The following SOX5 variants were observed in gnomAD, a reference collection of about 807,000 sequenced individuals.
The protein encoded by SOX5 is SRY-box transcription factor 5.
SOX5 carries 9 observed loss-of-function variants against 92.0 expected under a neutral mutation model. The observed-to-expected ratio is 0.10, with a 90% CI of 0.06 to 0.17. The LOEUF is 0.17. SOX5 is among the 10% of genes least tolerant of loss of function. The pLI, the probability that SOX5 is intolerant of heterozygous loss-of-function variation, is 1.00. For synonymous variants in SOX5, 344 were observed against 336.3 expected, an observed-to-expected ratio of 1.02 and a Z score of -0.25; for missense variants, 642 against 944.5, an observed-to-expected ratio of 0.68 and a Z score of 4.20.
chr12:24,131,374 G>A (rs908328465), intron 4 of SOX5, among the ~76,000 whole-genome samples: 1 of 152,084 alleles, frequency 6.6e-6, no homozygotes, highest in East Asian at 1.9e-4. Context: ...GACATGATTT[G>A]ACATTAGACT....
intron 3 of SOX5, among the ~76,000 whole-genome samples, chr12:23,769,442 C>A (rs2094849678): frequency 6.6e-6 from 1 of 152,040 alleles, no homozygotes; most frequent in South Asian, 2.1e-4. Flanking sequence ...GGGGCTACTA[C>A]CAAATCCTTT....
intron 3 of SOX5, among the ~76,000 whole-genome samples, chr12:24,244,800 C>A (rs1938288862): frequency 6.6e-6 from 1 of 152,228 alleles, no homozygotes; most frequent in Admixed American, 6.5e-5. Flanking sequence ...TCAAGCAATT[C>A]TCCTGCCTCA....
chr12:24,466,608 C>T (rs1045117518), intron 1 of SOX5, among the ~76,000 whole-genome samples: 21 of 152,168 alleles, frequency 1.4e-4, no homozygotes, highest in African/African-American at 5.1e-4. Context: ...GACGCTGTGG[C>T]CCAATATGGC....
At chr12:24,270,728 T>C (rs1448599262) in intron 3 of SOX5, among the ~76,000 whole-genome samples, 1 of 152,186 alleles carries the variant, frequency 6.6e-6, no homozygotes, top group East Asian at 1.9e-4. Flanking sequence ...TAGTATTTCT[T>C]GCTTGTCTTT....
chr12:24,362,096 T>A (rs1955640518), intron 2 of SOX5, among the ~76,000 whole-genome samples: 1 of 152,228 alleles, frequency 6.6e-6, no homozygotes, highest in Non-Finnish European at 1.5e-5. Flanking sequence ...AAGTCAACTA[T>A]GCAGCTAAGT....
chr12:23,877,182 G>C (rs1325302463), intron 2 of SOX5, among the ~76,000 whole-genome samples: 1 of 152,010 alleles, frequency 6.6e-6, no homozygotes, highest in Non-Finnish European at 1.5e-5. Context: ...TAAGATTTTT[G>C]CATCTCTATT....
intron 2 of SOX5, among the ~76,000 whole-genome samples, chr12:24,320,490 A>G (rs1950102650): frequency 6.6e-6 from 1 of 152,178 alleles, no homozygotes; most frequent in Non-Finnish European, 1.5e-5. Context: ...TATTAGTTGT[A>G]ACTTTACTTT....
intron 2 of SOX5, among the ~76,000 whole-genome samples, chr12:23,884,580 G>A (rs2097040763): frequency 6.6e-6 from 1 of 152,068 alleles, no homozygotes; most frequent in Admixed American, 6.6e-5. Context: ...TCCCCCACAA[G>A]TATTTCTAAA....
At position 24,335,987 on chromosome 12, in the gene SOX5, A is replaced by ATATATATATATATATATATATATATATC. The variant is rs1555235765; in HGVS notation, c.-174+32575_-174+32576insGATATATATATATATATATATATATATA. Among the ~76,000 whole-genome samples the ATATATATATATATATATATATATATATC allele has an allele frequency of 3.5e-3, 467 of 134,246 alleles. 54 individuals carry two copies. The East Asian group carries it at 0.058, about 17-fold the overall frequency. The allele number at this position is 134,246 out of a possible 152,430, so 88.1% of individuals were successfully genotyped here. A position where few individuals can be genotyped will look rare whatever the true frequency, so the allele number is the denominator to read the frequency against. ...GAAATGCTATCATATATATATATATATCCATAATATTAAATTTTTCTTGTT... is the reference window on the plus strand; with the variant it reads ...GAAATGCTATCATATATATATATATATATATATATATATATATATATATATATCTCCATAATATTAAATTTTTCTTGTT... On this transcript the variant is annotated intron_variant, in intron 2 of 4. Coordinates refer to the SOX5 transcript ENST00000446891.
At chr12:24,077,168 G>T (rs529663236) in intron 4 of SOX5, among the ~76,000 whole-genome samples, 1 of 152,254 alleles carries the variant, frequency 6.6e-6, no homozygotes, top group African/African-American at 2.4e-5. Flanking sequence ...CAATCATGAA[G>T]ATTGGCAGTG....
At chr12:23,819,383 T>A (rs2096062095) in intron 3 of SOX5, among the ~76,000 whole-genome samples, 1 of 152,152 alleles carries the variant, frequency 6.6e-6, no homozygotes, top group Non-Finnish European at 1.5e-5. Context: ...TATGTTTAGT[T>A]TAGAGATTAA....
intron 1 of SOX5, among the ~76,000 whole-genome samples, chr12:24,523,520 T>C (rs1371659629): frequency 2.0e-5 from 3 of 152,218 alleles, no homozygotes; most frequent in East Asian, 3.8e-4. Flanking sequence ...GAGAACAGTA[T>C]GCTACTGGCA....
At chr12:24,047,105 C>T (rs552045095) in intron 4 of SOX5, among the ~76,000 whole-genome samples, 45 of 152,232 alleles carry the variant, frequency 3.0e-4, no homozygotes, top group South Asian at 1.5e-3. Flanking sequence ...TTTTCAGATA[C>T]CTCTAGAATT....
chr12:24,156,030 T>C (rs567547103), intron 4 of SOX5, among the ~76,000 whole-genome samples: 2 of 152,304 alleles, frequency 1.3e-5, no homozygotes, highest in East Asian at 3.9e-4. Context: ...CAACTCCCAG[T>C]GGCTATGGGC....
At chr12:23,604,589 G>C in intron 8 of SOX5, 56 bp from the exon 9 acceptor site, 1 of 1,526,636 alleles carries the variant, frequency 6.6e-7, no homozygotes, top group Non-Finnish European at 9.0e-7. Flanking sequence ...TAAAATAAAC[G>C]TACCATTCAG....
intron 1 of SOX5, among the ~76,000 whole-genome samples, chr12:23,945,483 G>GT (rs1944433066): frequency 6.6e-6 from 1 of 152,130 alleles, no homozygotes; most frequent in South Asian, 2.1e-4. Flanking sequence ...CTCCTGCCAA[G>GT]TCTTCAGGAC....
intron 4 of SOX5, among the ~76,000 whole-genome samples, chr12:24,194,797 C>CA (rs748296123): frequency 5.9e-5 from 9 of 151,728 alleles, no homozygotes; most frequent in African/African-American, 1.5e-4. Context: ...TTTAATATGT[C>CA]AAAAAAAGAC....
At chr12:24,490,541 G>A (rs928422596) in intron 1 of SOX5, among the ~76,000 whole-genome samples, 6 of 152,058 alleles carry the variant, frequency 3.9e-5, no homozygotes, top group African/African-American at 1.4e-4. Flanking sequence ...CCCAACTGTG[G>A]CTGAAACCCA....
chr12:24,220,580 C>T (rs146355793), intron 3 of SOX5, among the ~76,000 whole-genome samples: 3 of 151,662 alleles, frequency 2.0e-5, no homozygotes, highest in Non-Finnish European at 4.4e-5. Flanking sequence ...ATTATTTAAA[C>T]GGGGCAAAAA....
Sources: allele counts gnomAD v4.1 joint callset (sites outside exome capture counted in the v4.1 genomes callset), GRCh38; gene constraint gnomAD v4.1.1; transcripts MANE v1.5; gene names NCBI Gene and HGNC (gene_info 2026-07-23, HGNC 2026-07-21).